MROH7: variants seen among roughly 807,000 people sequenced by gnomAD.
MROH7 encodes maestro heat-like repeat-containing protein family member 7.
Under a neutral mutation model 129.2 loss-of-function variants are expected in MROH7, and 113 were observed. The observed-to-expected ratio is 0.87, with a 90% CI of 0.75 to 1.02. MROH7 has a LOEUF of 1.02. Ranked by LOEUF, MROH7 falls within the 50% of genes least tolerant of loss-of-function variation. The probability of loss-of-function intolerance (pLI) is 0.00; values close to 1 mark genes in which losing one functional copy is unlikely to be tolerated. For missense variants in MROH7, 1,601 were observed against 1,671.3 expected (o/e 0.96, Z 0.73); for synonymous variants, 655 against 667.9 (o/e 0.98, Z 0.30).
At chr1:54,682,828 C>T in intron 14 of MROH7, 34 bp downstream of exon 14, 2 of 1,596,994 alleles carry the variant, frequency 1.3e-6, no homozygotes, top group South Asian at 1.1e-5. Context: ...CTATTGCTGC[C>T]TGTCCTGCCC....
At chr1:54,697,322 CTA>C in intron 17 of MROH7, 1 of 258,236 alleles carries the variant, frequency 3.9e-6, no homozygotes, top group Non-Finnish European at 7.3e-6. Flanking sequence ...TGCAGGTGGG[CTA>C]TGAGTTGGGA....
At chr1:54,671,652 A>T (rs542450013) in intron 7 of MROH7, among the ~76,000 whole-genome samples, 2 of 152,284 alleles carry the variant, frequency 1.3e-5, no homozygotes, top group Admixed American at 1.3e-4. Context: ...GGTGACCCTC[A>T]GGGTAGGATG....
At chr1:54,650,785 G>A (rs749088309) in intron 1 of MROH7, among the ~76,000 whole-genome samples, 78 of 151,040 alleles carry the variant, frequency 5.2e-4, no homozygotes, top group Non-Finnish European at 5.2e-4. Context: ...ATGCAGTGGC[G>A]TGATCACAGC....
chr1:54,679,212 A>C lies in MROH7; in HGVS notation c.2050-51A>C, dbSNP rs538518510. 8.1e-6 allele frequency: 13 copies of C among 1,598,972 alleles called. No individual in the cohort carries two copies. In the South Asian group the frequency reaches 1.3e-4, roughly 16 times the overall value. On this transcript the variant is annotated intron_variant, in intron 11 of 23. Coordinates refer to ENST00000421030, the MANE Select transcript of MROH7 (RefSeq NM_001039464.4). The stretch of plus-strand genomic sequence containing the variant: ...CCTCTGTGCACAAAGCTCGAAGCTC[A>C]AAGCTCGGGCTACCCATCAGTGTGT...
intron 21 of MROH7, among the ~76,000 whole-genome samples, chr1:54,704,274 ACCAGGCAGATAAT>A (rs983238570): frequency 2.0e-5 from 3 of 152,094 alleles, no homozygotes; most frequent in Non-Finnish European, 2.9e-5. Flanking sequence ...GTGGCCAGTG[ACCAGGCAGATAAT>A]CATGAGTGGT....
At chr1:54,660,674 A>AC (rs1189893900) in intron 3 of MROH7, among the ~76,000 whole-genome samples, 4 of 151,968 alleles carry the variant, frequency 2.6e-5, no homozygotes, top group African/African-American at 9.7e-5. Context: ...AATTAGCCAG[A>AC]CATGGTGGCA....
intron 17 of MROH7, chr1:54,697,583 C>T (rs1014743454): frequency 1.4e-5 from 9 of 649,298 alleles, no homozygotes; most frequent in Non-Finnish European, 2.3e-5. Context: ...ACTACCATTA[C>T]TTACAGGCCT....
At chr1:54,701,114 C>T in intron 18 of MROH7, 29 bp from the exon 19 acceptor site, 2 of 1,610,466 alleles carry the variant, frequency 1.2e-6, no homozygotes, top group South Asian at 2.2e-5. Flanking sequence ...CAGATAGGAG[C>T]CCTCATCCCA....
chr1:54,665,132 T>C, intron 3 of MROH7, 35 bp from the exon 4 acceptor site: 1 of 1,568,738 alleles, frequency 6.4e-7, no homozygotes, highest in Non-Finnish European at 8.8e-7. Flanking sequence ...ACATCACAGC[T>C]TTATCCACCT....
Position 54,700,341 on chromosome 1 carries a change from G to A in MROH7, c.2985G>A (p.Val995=), listed in dbSNP as rs756521392. 3 of 1,614,146 alleles carry A rather than the reference G, an allele frequency of 1.9e-6. No homozygotes were observed. The South Asian group carries it at 3.3e-5, about 18-fold the overall frequency. ...CTCAGCTCCTCCAGATGGAGCAGGT[G>A]CGCCGGATCCCCGAGGAATACTCTC... The part of the protein sequence containing the change: ...FFVELLQMEQ[V]RRIPEEYSLG... Residue 995 remains valine, a synonymous_variant, in exon 18 of 24, where the codon GTG becomes GTA. Coordinates refer to ENST00000421030, the MANE Select transcript of MROH7 (RefSeq NM_001039464.4).
rs1644394216 is a variant in MROH7, at chr1:54,641,916, A to T, written c.-162A>T. 1 of 152,222 alleles carries T rather than the reference A, an allele frequency of 6.6e-6. No individual in the cohort carries two copies. The highest frequency in any genetic ancestry group is 2.4e-5 in the African/African-American group (1 of 41,442). 9.4% of individuals were successfully genotyped at this position (152,222 alleles called of 1,614,324 possible). ...CTGTATTCCACAGTTAGAACTTCAT[A>T]TCTTTGGCTTAGAGCTGGATTTTCT... On this transcript the variant is annotated 5_prime_UTR_variant, in exon 1 of 24. Transcript: ENST00000421030.
chr1:54,648,266 C>T (rs571317795), intron 1 of MROH7, among the ~76,000 whole-genome samples: 3 of 152,052 alleles, frequency 2.0e-5, no homozygotes, highest in Admixed American at 6.6e-5. Context: ...GGATTTATTT[C>T]TGGACTTGCA....
chr1:54,702,174 G>C lies in MROH7; in HGVS notation c.3370G>C (p.Glu1124Gln). ...KLRAPRTQAM[E>Q]EQLVSTLVPL... The stretch of plus-strand genomic sequence containing the variant: ...TCGGGCACCACGCACTCAGGCCATG[G>C]AGGAGCAGCTGGTCAGCACCTTGGT... Residue 1124 changes from glutamate to glutamine, a missense_variant, in exon 20 of 24, where the codon GAG becomes CAG. Physicochemically the swap from Glu to Gln is conservative, Grantham distance 29 (BLOSUM62 2). Coordinates refer to ENST00000421030, the MANE Select transcript of MROH7 (RefSeq NM_001039464.4). 1.9e-6 allele frequency: 3 copies of C among 1,607,710 alleles called. No individual in the cohort carries two copies. The highest frequency in any genetic ancestry group is 2.5e-6 in the Non-Finnish European group (3 of 1,177,444).
chr1:54,673,892 G>C lies in MROH7; in HGVS notation c.1800+87G>C, dbSNP rs574679516. ...CCGTACCTCTGTTCAGGGATTCCCA[G>C]GTGGCTCTTGCCATCTTCAGAGGGC... On this transcript the variant is annotated intron_variant, in intron 9 of 23. Coordinates refer to ENST00000421030, the MANE Select transcript of MROH7 (RefSeq NM_001039464.4). 10 of 1,520,140 alleles carry C rather than the reference G, an allele frequency of 6.6e-6. No individual in the cohort carries two copies. In the East Asian group the frequency reaches 1.8e-4, roughly 27 times the overall value. 94.2% of individuals were successfully genotyped at this position (1,520,140 alleles called of 1,614,324 possible).
At chr1:54,666,399 A>G (rs1432035198) in intron 4 of MROH7, among the ~76,000 whole-genome samples, 1 of 146,204 alleles carries the variant, frequency 6.8e-6, no homozygotes, top group African/African-American at 2.5e-5. Context: ...CTGGCAAAAC[A>G]GGTTATAGGA....
chr1:54,673,813 G>A lies in MROH7; in HGVS notation c.1800+8G>A. 6.2e-7 allele frequency: 1 copy of A among 1,604,714 alleles called. No homozygotes were observed. The highest frequency in any genetic ancestry group is 8.5e-7 in the Non-Finnish European group (1 of 1,171,402). On this transcript the variant is annotated splice_region_variant and intron_variant, in intron 9 of 23. Transcript: ENST00000421030. ...CTAACTCTGCCTTTCTTTGTGAGTG[G>A]CCCCTGGGAGGGGTGGACACTCTTA... is the stretch of plus-strand genomic sequence containing the variant.
intron 17 of MROH7, chr1:54,697,583 C>G (rs1014743454): frequency 6.2e-6 from 4 of 649,298 alleles, no homozygotes; most frequent in Non-Finnish European, 1.1e-5. Context: ...ACTACCATTA[C>G]TTACAGGCCT....
chr1:54,643,651 T>C (rs956328492), intron 1 of MROH7, among the ~76,000 whole-genome samples: 1 of 152,024 alleles, frequency 6.6e-6, no homozygotes, highest in African/African-American at 2.4e-5. Context: ...TCTCTGAGAG[T>C]GAGGCTTGGG....
chr1:54,680,702 C>G (rs929368880), intron 13 of MROH7, among the ~76,000 whole-genome samples: 3 of 152,188 alleles, frequency 2.0e-5, no homozygotes, highest in Non-Finnish European at 4.4e-5. Flanking sequence ...GCCTCCCACC[C>G]AGGAAATGCT....
Sources: gnomAD v4.1 joint callset for allele counts (sites outside exome capture counted in the v4.1 genomes callset) on GRCh38, gnomAD v4.1.1 for gene constraint, MANE v1.5 for transcripts, NCBI Gene and HGNC (gene_info 2026-07-23, HGNC 2026-07-21) for gene names.